Variants in GRID1 observed in about 807,000 individuals in gnomAD.
The protein encoded by GRID1 is glutamate receptor ionotropic, delta-1.
A neutral mutation model predicts 98.0 loss-of-function variants in GRID1; 28 were observed. The ratio of observed to expected loss-of-function variants is 0.29; its 90% CI spans 0.21 to 0.39. The LOEUF (loss-of-function observed/expected upper bound fraction) is 0.39, where lower values mean the gene tolerates loss of function less well. Among genes scored for constraint, GRID1 ranks in the 10% least tolerant of loss-of-function variants. GRID1 has a pLI of 1.00. For missense variants in GRID1, 1,111 were observed against 1,340.5 expected (o/e 0.83, Z 2.67); for synonymous variants, 553 against 538.5 (o/e 1.03, Z -0.37).
At chr10:86,137,710 G>C (rs1428245542) in intron 4 of GRID1, among the ~76,000 whole-genome samples, 3 of 152,136 alleles carry the variant, frequency 2.0e-5, no homozygotes, top group Admixed American at 6.5e-5. Flanking sequence ...GCCGGGAGCC[G>C]ACAGGACATC....
intron 2 of GRID1, among the ~76,000 whole-genome samples, chr10:86,361,246 A>C (rs1014692223): frequency 1.3e-5 from 2 of 152,206 alleles, no homozygotes; most frequent in Non-Finnish European, 2.9e-5. Flanking sequence ...TGCCCCTCAC[A>C]GAGGCCTTCC....
intron 4 of GRID1, among the ~76,000 whole-genome samples, chr10:86,005,096 G>A (rs1589333034): frequency 1.3e-5 from 2 of 152,276 alleles, no homozygotes; most frequent in East Asian, 3.9e-4. Context: ...TGGATGGTGG[G>A]CATGCCTCAG....
chr10:86,192,193 C>T lies in GRID1; in HGVS notation c.520+14171G>A, dbSNP rs572095085. ...AGCAACACACACCCACAGACACCTGCGCACACACACACACATGGAGGCTCC... is the reference window on the plus strand; with the variant it reads ...AGCAACACACACCCACAGACACCTGTGCACACACACACACATGGAGGCTCC... On this transcript the variant is annotated intron_variant, in intron 3 of 15. Transcript: ENST00000327946. The surrounding 1 kb of genome is among the most constrained non-coding windows in gnomAD (Gnocchi z 4.8). 1.4e-4 allele frequency among the ~76,000 whole-genome samples: 21 copies of T among 151,614 alleles called. No homozygotes were observed. Among genetic ancestry groups the T allele is most frequent in the African/African-American group, 2.7e-4 (11 of 41,498 alleles).
At chr10:86,228,758 G>A (rs1028727003) in intron 2 of GRID1, among the ~76,000 whole-genome samples, 1 of 152,102 alleles carries the variant, frequency 6.6e-6, no homozygotes, top group Non-Finnish European at 1.5e-5. Flanking sequence ...CAGGGAGCTG[G>A]GTCACCCCTC....
rs574934818 is a variant in GRID1, at chr10:86,053,872, T to C, written c.726+84947A>G. Among the ~76,000 whole-genome samples, 103 of 152,174 alleles carry C rather than the reference T, an allele frequency of 6.8e-4. 1 individual carries two copies. Among genetic ancestry groups the C allele is most frequent in the African/African-American group, 2.3e-3 (96 of 41,520 alleles). On this transcript the variant is annotated intron_variant, in intron 4 of 15. Transcript: ENST00000327946. ...CTCATATGTGTGCATAAGCACATGCTCACACACGTGTGCACACATGCACAC... is the reference window on the plus strand; with the variant it reads ...CTCATATGTGTGCATAAGCACATGCCCACACACGTGTGCACACATGCACAC...
chr10:86,180,942 C>T (rs1210741907), intron 3 of GRID1, among the ~76,000 whole-genome samples: 1 of 152,160 alleles, frequency 6.6e-6, no homozygotes. Flanking sequence ...CCTGGAGGGG[C>T]AGAGATGGTG....
rs557671710 is a variant in GRID1 at position 85,866,311 on chromosome 10, A to G, written c.951+2699T>C. Among the ~76,000 whole-genome samples, 325 of 151,452 alleles carry G rather than the reference A, an allele frequency of 2.1e-3. 3 individuals carry two copies. Among genetic ancestry groups the G allele is most frequent in the African/African-American group, 7.4e-3 (307 of 41,332 alleles). ...GGTAGACTAAATCACACCAAAAAAA[A>G]AAAAAAAAAAAAGGCTATGTTCACC... On this transcript the variant is annotated intron_variant, in intron 6 of 15. Transcript: ENST00000327946.
At chr10:86,335,864 C>A (rs1848214534) in intron 2 of GRID1, among the ~76,000 whole-genome samples, 1 of 152,240 alleles carries the variant, frequency 6.6e-6, no homozygotes, top group African/African-American at 2.4e-5. Flanking sequence ...TGAAAGAACC[C>A]CTCTCCAACC....
At chr10:85,817,203 C>T (rs1842723772) in intron 8 of GRID1, among the ~76,000 whole-genome samples, 1 of 152,112 alleles carries the variant, frequency 6.6e-6, no homozygotes, top group African/African-American at 2.4e-5. Context: ...ATTTATATTC[C>T]TCTGGGTATA....
At chr10:86,175,795 C>T (rs941848515) in intron 3 of GRID1, among the ~76,000 whole-genome samples, 7 of 152,142 alleles carry the variant, frequency 4.6e-5, no homozygotes, top group African/African-American at 9.7e-5. Flanking sequence ...CTGCAATCTC[C>T]GCCTCCCGGG....
At chr10:85,917,131 G>A (rs2131824996) in intron 4 of GRID1, among the ~76,000 whole-genome samples, 1 of 152,296 alleles carries the variant, frequency 6.6e-6, no homozygotes, top group East Asian at 1.9e-4. Flanking sequence ...AGAATTGGAA[G>A]AGACTGATGG....
intron 4 of GRID1, among the ~76,000 whole-genome samples, chr10:86,130,253 C>A (rs1445189508): frequency 1.3e-5 from 2 of 152,222 alleles, no homozygotes. Flanking sequence ...ACTGGCAGCT[C>A]AAGCACAGAT....
At chr10:85,853,409 T>C (rs775073209) in intron 8 of GRID1, among the ~76,000 whole-genome samples, 1 of 152,184 alleles carries the variant, frequency 6.6e-6, no homozygotes, top group Non-Finnish European at 1.5e-5. Context: ...GCACCATCAT[T>C]AGTAGAGACA....
At chr10:86,179,129 C>T (rs929666032) in intron 3 of GRID1, among the ~76,000 whole-genome samples, 5 of 152,114 alleles carry the variant, frequency 3.3e-5, no homozygotes, top group African/African-American at 1.2e-4. Context: ...GAAATCCCCC[C>T]AAGACAGTAC....
intron 3 of GRID1, among the ~76,000 whole-genome samples, chr10:86,159,946 C>T (rs1845297343): frequency 6.6e-6 from 1 of 152,130 alleles, no homozygotes. Context: ...CCATCATTAT[C>T]ATCACCTTCA....
At chr10:86,140,961 A>G (rs1845002485) in intron 3 of GRID1, among the ~76,000 whole-genome samples, 1 of 152,120 alleles carries the variant, frequency 6.6e-6, no homozygotes, top group Non-Finnish European at 1.5e-5. Flanking sequence ...TGGCAAATGC[A>G]TGATCACCCA....
intron 4 of GRID1, among the ~76,000 whole-genome samples, chr10:85,982,492 C>T (rs1433950073): frequency 6.6e-6 from 1 of 152,092 alleles, no homozygotes; most frequent in Non-Finnish European, 1.5e-5. Flanking sequence ...CGCCTGTGGC[C>T]ATTGTCCATC....
In GRID1 at chr10:85,636,539, T is replaced by C. The variant is rs534783971; in HGVS notation, c.2193+10663A>G. Among the ~76,000 whole-genome samples, 22 of 152,190 alleles carry C rather than the reference T, an allele frequency of 1.4e-4. No homozygotes were observed. The East Asian group carries it at 3.5e-3, about 24-fold the overall frequency. The stretch of plus-strand genomic sequence containing the variant: ...AATGGCAACGCTCAGGAAAAAAAGA[T>C]TGAAAAGAAAATGATTGCTGTTCCA... On this transcript the variant is annotated intron_variant, in intron 13 of 15. Coordinates refer to ENST00000327946, the MANE Select transcript of GRID1 (RefSeq NM_017551.3).
intron 6 of GRID1, among the ~76,000 whole-genome samples, chr10:85,859,692 G>A (rs571702698): frequency 2.0e-5 from 3 of 152,218 alleles, no homozygotes; most frequent in African/African-American, 7.2e-5. Flanking sequence ...GTAAGATATT[G>A]TCTCTCCCTG....
Sources: allele counts gnomAD v4.1 joint callset (sites outside exome capture counted in the v4.1 genomes callset), GRCh38; gene constraint gnomAD v4.1.1; non-coding constraint Gnocchi (gnomAD v3.1); transcripts MANE v1.5; gene names NCBI Gene and HGNC (gene_info 2026-07-23, HGNC 2026-07-21).